Variants in GPHN observed in about 807,000 individuals in gnomAD.
The protein encoded by GPHN is gephyrin.
GPHN carries 17 observed loss-of-function variants against 95.5 expected under a neutral mutation model. The ratio of observed to expected loss-of-function variants is 0.18; its 90% CI spans 0.12 to 0.27. GPHN has a LOEUF of 0.27. GPHN is among the 10% of genes least tolerant of loss of function. The probability of loss-of-function intolerance (pLI) is 1.00; values close to 1 mark genes in which losing one functional copy is unlikely to be tolerated. For synonymous variants in GPHN, 320 were observed against 322.5 expected (o/e 0.99, Z 0.08); for missense variants, 660 against 978.1 (o/e 0.67, Z 4.34).
chr14:66,707,699 G>T (rs574977494), intron 2 of GPHN, among the ~76,000 whole-genome samples: 1 of 152,092 alleles, frequency 6.6e-6, no homozygotes, highest in East Asian at 1.9e-4. Context: ...CTTAAAGGAT[G>T]GGTCAATAGG....
At chr14:66,701,151 T>C (rs955437715) in intron 2 of GPHN, among the ~76,000 whole-genome samples, 1 of 152,178 alleles carries the variant, frequency 6.6e-6, no homozygotes, top group Non-Finnish European at 1.5e-5. Context: ...CATATATACA[T>C]ATGTATATAT....
chr14:67,686,561 C>T, the GPHN span, among the ~76,000 whole-genome samples: 2 of 145,608 alleles, frequency 1.4e-5, no homozygotes, highest in Admixed American at 7.1e-5. Context: ...ATGACTTGAA[C>T]CAGGGAGACA....
the GPHN span, among the ~76,000 whole-genome samples, chr14:67,540,600 T>C: frequency 3.3e-5 from 5 of 150,128 alleles, no homozygotes; most frequent in East Asian, 9.8e-4. Context: ...TACTCCAGTG[T>C]GGCTGACAAA....
At chr14:67,393,859 A>G in the GPHN span, among the ~76,000 whole-genome samples, 1 of 152,150 alleles carries the variant, frequency 6.6e-6, no homozygotes, top group Non-Finnish European at 1.5e-5. Flanking sequence ...GTTTCACAAG[A>G]AAGTCTGAGG....
At chr14:66,568,669 T>G (rs1416590578) in intron 1 of GPHN, among the ~76,000 whole-genome samples, 2 of 152,126 alleles carry the variant, frequency 1.3e-5, no homozygotes, top group East Asian at 3.8e-4. Flanking sequence ...TTAAACAGAT[T>G]GAATTCTATC....
the GPHN span, among the ~76,000 whole-genome samples, chr14:67,457,562 C>T: frequency 1.3e-5 from 2 of 152,328 alleles, no homozygotes; most frequent in South Asian, 4.1e-4. Context: ...GCTAGGATGG[C>T]ACCACTGCAC....
intron 4 of GPHN, among the ~76,000 whole-genome samples, chr14:66,828,309 G>A (rs1395081707): frequency 2.0e-5 from 3 of 152,028 alleles, no homozygotes; most frequent in East Asian, 3.8e-4. Flanking sequence ...ACATCGTAGA[G>A]TAGTTGCAGT....
the GPHN span, among the ~76,000 whole-genome samples, chr14:67,508,309 A>G: frequency 6.7e-4 from 102 of 152,208 alleles, no homozygotes; most frequent in Non-Finnish European, 8.1e-4. Flanking sequence ...TATTTCCTGA[A>G]AAAGGCTGGA....
intron 5 of GPHN, among the ~76,000 whole-genome samples, chr14:66,890,123 A>G (rs577782896): frequency 2.6e-5 from 4 of 152,194 alleles, no homozygotes; most frequent in South Asian, 2.1e-4. Flanking sequence ...GAAATTAACA[A>G]CCTCTCAGCT....
the GPHN span, chr14:67,592,753 T>G: frequency 8.1e-7 from 1 of 1,232,386 alleles, no homozygotes; most frequent in Non-Finnish European, 1.2e-6. Flanking sequence ...AAAGTCTAAG[T>G]GAAACTCATT....
chr14:67,473,132 GTCCA>G, the GPHN span: 1 of 444,936 alleles, frequency 2.2e-6, no homozygotes, highest in Non-Finnish European at 4.1e-6. This position sits in a 1 kb window ranked among gnomAD's most constrained non-coding sequence, Gnocchi z 6.5. Flanking sequence ...CAACTACATA[GTCCA>G]TCGCTGCTCA....
At chr14:66,594,906 A>G (rs570247225) in intron 1 of GPHN, among the ~76,000 whole-genome samples, 55 of 152,324 alleles carry the variant, frequency 3.6e-4, no homozygotes, top group Non-Finnish European at 4.3e-4. Flanking sequence ...ATGTGAGACC[A>G]TATGTCTGAT....
chr14:66,620,310 C>T (rs1279834965), intron 1 of GPHN, among the ~76,000 whole-genome samples: 1 of 152,068 alleles, frequency 6.6e-6, no homozygotes, highest in Non-Finnish European at 1.5e-5. Flanking sequence ...AGTCCATTTT[C>T]AAACTGCTGA....
rs552631806 is a variant in GPHN at position 66,977,617 on chromosome 14, TAA to T, written c.963+12293_963+12294del. Among the ~76,000 whole-genome samples, 466 of 152,300 alleles carry T rather than the reference TAA, an allele frequency of 3.1e-3. 3 individuals are homozygous for T. Among genetic ancestry groups the T allele is most frequent in the African/African-American group, 0.011 (439 of 41,548 alleles). On this transcript the variant is annotated intron_variant, in intron 9 of 22. Coordinates refer to ENST00000478722, the MANE Select transcript of GPHN (RefSeq NM_020806.5). ...CTTGTATTAATAGTACACACATATA[TAA>T]GTTATTCTATAACCTTAAAAATCAT...
chr14:67,571,966 C>T, the GPHN span: 3 of 1,539,386 alleles, frequency 1.9e-6, no homozygotes, highest in South Asian at 2.4e-5. Context: ...TTCCCATGGG[C>T]ACTTGAACAT....
intron 1 of GPHN, among the ~76,000 whole-genome samples, chr14:66,625,299 C>A (rs1454334910): frequency 6.6e-6 from 1 of 152,146 alleles, no homozygotes; most frequent in Non-Finnish European, 1.5e-5. Context: ...TCTCGAACTC[C>A]TGGGCTCAAG....
chr14:66,781,498 G>A (rs919256514), intron 3 of GPHN, among the ~76,000 whole-genome samples: 2 of 152,096 alleles, frequency 1.3e-5, no homozygotes, highest in Admixed American at 6.5e-5. Context: ...GATTACAGAC[G>A]TGAGCCACCG....
chr14:67,431,015 G>A, the GPHN span, among the ~76,000 whole-genome samples: 1 of 152,144 alleles, frequency 6.6e-6, no homozygotes, highest in Non-Finnish European at 1.5e-5. Context: ...ATTTCAGAAA[G>A]ACAAATCAAA....
chr14:67,349,165 C>T, the GPHN span: 1 of 1,488,256 alleles, frequency 6.7e-7, no homozygotes, highest in Non-Finnish European at 9.3e-7. Context: ...TACAGGGACC[C>T]ACTGGATAGT....
Sources: gnomAD v4.1 joint callset for allele counts (sites outside exome capture counted in the v4.1 genomes callset) on GRCh38, gnomAD v4.1.1 for gene constraint, Gnocchi (gnomAD v3.1) non-coding constraint, MANE v1.5 for transcripts, NCBI Gene and HGNC (gene_info 2026-07-23, HGNC 2026-07-21) for gene names.